Variants in GAB2 observed in about 807,000 individuals in gnomAD.
GAB2 encodes the protein GRB2-associated-binding protein 2.
GAB2 carries 26 observed loss-of-function variants against 65.5 expected under a neutral mutation model. The observed-to-expected ratio is 0.40, with a 90% CI of 0.29 to 0.55. The LOEUF is 0.55. Among genes scored for constraint, GAB2 ranks in the 20% least tolerant of loss-of-function variants. The pLI is 0.53. For synonymous variants in GAB2, 321 were observed against 329.6 expected (o/e 0.97, Z 0.28); for missense variants, 884 against 875.8 (o/e 1.01, Z -0.12).
At chr11:78,310,844 T>G (rs1185430308) in intron 1 of GAB2, among the ~76,000 whole-genome samples, 1 of 152,086 alleles carries the variant, frequency 6.6e-6, no homozygotes. Context: ...TCAGAAAGAG[T>G]ACCCTTGTGG....
At chr11:78,406,800 A>C (rs1013217571) in intron 1 of GAB2, among the ~76,000 whole-genome samples, 7 of 152,248 alleles carry the variant, frequency 4.6e-5, no homozygotes, top group Non-Finnish European at 1.0e-4. Flanking sequence ...CAAAGATTTT[A>C]AAGAGTCATC....
At chr11:78,370,855 C>T (rs1471178418) in intron 1 of GAB2, among the ~76,000 whole-genome samples, 1 of 152,122 alleles carries the variant, frequency 6.6e-6, no homozygotes, top group Non-Finnish European at 1.5e-5. Context: ...ACTGCCCTCA[C>T]TCCCTACTTC....
intron 1 of GAB2, among the ~76,000 whole-genome samples, chr11:78,384,698 C>G (rs1342787839): frequency 1.3e-5 from 2 of 152,128 alleles, no homozygotes; most frequent in Non-Finnish European, 1.5e-5. Context: ...TGGAAGCCAG[C>G]AGAGCTCGAA....
intron 1 of GAB2, among the ~76,000 whole-genome samples, chr11:78,333,850 C>T (rs1261729393): frequency 6.6e-6 from 1 of 152,162 alleles, no homozygotes; most frequent in East Asian, 1.9e-4. Context: ...TCCTCATTTT[C>T]AGTCATCATA....
intron 2 of GAB2, among the ~76,000 whole-genome samples, chr11:78,262,171 A>G (rs190318486): frequency 1.3e-5 from 2 of 151,808 alleles, no homozygotes; most frequent in Admixed American, 1.3e-4. Context: ...CTAGGGAATT[A>G]TGAGATCTAC....
intron 1 of GAB2, among the ~76,000 whole-genome samples, chr11:78,351,581 A>G (rs1856278920): frequency 6.6e-6 from 1 of 152,134 alleles, no homozygotes; most frequent in Non-Finnish European, 1.5e-5. Flanking sequence ...CTTCTCCTTC[A>G]ATAATCTCAT....
At chr11:78,353,273 T>C (rs943087060) in intron 1 of GAB2, among the ~76,000 whole-genome samples, 1 of 152,164 alleles carries the variant, frequency 6.6e-6, no homozygotes, top group Non-Finnish European at 1.5e-5. Context: ...AAACCTCGTC[T>C]GTACTAAAAA....
At chr11:78,233,275 T>C (rs1188416319) in intron 3 of GAB2, among the ~76,000 whole-genome samples, 2 of 152,152 alleles carry the variant, frequency 1.3e-5, no homozygotes, top group Non-Finnish European at 2.9e-5. Context: ...GCTGAAGCAA[T>C]CCGCCTGTCT....
intron 1 of GAB2, among the ~76,000 whole-genome samples, chr11:78,343,720 C>T (rs1856138088): frequency 1.3e-5 from 2 of 151,796 alleles, no homozygotes. Flanking sequence ...TTATAGTGGC[C>T]ACATTTAAAA....
chr11:78,402,863 C>T (rs1243612559), intron 1 of GAB2, among the ~76,000 whole-genome samples: 2 of 152,156 alleles, frequency 1.3e-5, no homozygotes, highest in African/African-American at 4.8e-5. Context: ...CCCCAATTCA[C>T]ATGTTGGAAT....
At chr11:78,387,806 A>G (rs1413199200) in intron 1 of GAB2, among the ~76,000 whole-genome samples, 1 of 152,220 alleles carries the variant, frequency 6.6e-6, no homozygotes, top group Non-Finnish European at 1.5e-5. Flanking sequence ...AGTTTATTTT[A>G]TATGGAGACA....
chr11:78,361,787 A>G (rs11237468), intron 1 of GAB2, among the ~76,000 whole-genome samples: 38,992 of 152,070 alleles, frequency 0.26, 5,709 homozygotes, highest in East Asian at 0.42. Context: ...CCCTCTGGAG[A>G]GCAATGTGGC....
chr11:78,356,172 CA>C (rs1193261590), intron 1 of GAB2, among the ~76,000 whole-genome samples: 1 of 100,684 alleles, frequency 9.9e-6, no homozygotes, highest in Non-Finnish European at 1.9e-5. Flanking sequence ...GACTCCATCT[CA>C]AAAAAAAAGA....
At chr11:78,392,654 TG>T (rs963158713) in intron 1 of GAB2, among the ~76,000 whole-genome samples, 1 of 152,104 alleles carries the variant, frequency 6.6e-6, no homozygotes, top group South Asian at 2.1e-4. Context: ...GTAATGAAGA[TG>T]GGGGTACTGG....
intron 3 of GAB2, among the ~76,000 whole-genome samples, chr11:78,245,929 GTTTT>G (rs900721807): frequency 6.6e-6 from 1 of 151,108 alleles, no homozygotes; most frequent in African/African-American, 2.4e-5. Context: ...TTGGCAGAGG[GTTTT>G]TTTATTTTCT....
chr11:78,270,654 A>T (rs1865985425), intron 2 of GAB2, among the ~76,000 whole-genome samples: 1 of 152,210 alleles, frequency 6.6e-6, no homozygotes, highest in Non-Finnish European at 1.5e-5. Context: ...GAGACTGCGT[A>T]AGTGTTGTAT....
intron 1 of GAB2, among the ~76,000 whole-genome samples, chr11:78,374,595 T>C (rs1856610270): frequency 6.6e-6 from 1 of 152,246 alleles, no homozygotes; most frequent in African/African-American, 2.4e-5. Context: ...GTCTATTATA[T>C]GCTGGTCATT....
rs921253918 is a variant in GAB2, at chr11:78,411,732, G to GA, written c.75+5913dup. On this transcript the variant is annotated intron_variant, in intron 1 of 9. Transcript: ENST00000361507. Reference sequence around the variant, plus strand: ...AAAACATAAACCTGTAAAATGTGTAGAAAAAAAAAAACCAGGAAAGCCGGC... The same window carrying GA: ...AAAACATAAACCTGTAAAATGTGTAGAAAAAAAAAAAACCAGGAAAGCCGGC... 1.3e-3 allele frequency among the ~76,000 whole-genome samples: 187 copies of GA among 146,242 alleles called. 1 individual carries two copies. In the East Asian group the frequency reaches 0.022, roughly 17 times the overall value.
intron 1 of GAB2, among the ~76,000 whole-genome samples, chr11:78,360,095 C>G (rs940095222): frequency 6.6e-6 from 1 of 152,084 alleles, no homozygotes; most frequent in Non-Finnish European, 1.5e-5. Flanking sequence ...GTGATGCAAC[C>G]ATGAACCAAG....
Sources: allele counts gnomAD v4.1 joint callset (sites outside exome capture counted in the v4.1 genomes callset), GRCh38; gene constraint gnomAD v4.1.1; transcripts MANE v1.5; gene names NCBI Gene and HGNC (gene_info 2026-07-23, HGNC 2026-07-21).